Variants in COL28A1 observed in about 807,000 individuals in gnomAD.
COL28A1 encodes collagen alpha-1(XXVIII) chain.
A neutral mutation model predicts 150.2 loss-of-function variants in COL28A1; 161 were observed. The ratio of observed to expected loss-of-function variants is 1.07; its 90% CI spans 0.94 to 1.22. The LOEUF (loss-of-function observed/expected upper bound fraction) is 1.22, where lower values mean the gene tolerates loss of function less well. Ranked by LOEUF, COL28A1 falls within the 50% of genes most tolerant of loss-of-function variation. The pLI is 0.00. For synonymous variants in COL28A1, 552 were observed against 469.7 expected (o/e 1.18, Z -2.26); for missense variants, 1,617 against 1,388.3 (o/e 1.16, Z -2.62).
intron 11 of COL28A1, among the ~76,000 whole-genome samples, chr7:7,504,779 C>T (rs760041476): frequency 6.6e-6 from 1 of 152,178 alleles, no homozygotes; most frequent in African/African-American, 2.4e-5. Flanking sequence ...GTGGCTCAAA[C>T]ATTCTATAAT....
At chr7:7,430,190 G>A (rs967030567) in intron 25 of COL28A1, among the ~76,000 whole-genome samples, 8 of 152,012 alleles carry the variant, frequency 5.3e-5, no homozygotes, top group African/African-American at 1.9e-4. Context: ...GCAGTGGTGC[G>A]ATCTCAGCTC....
Position 7,507,157 on chromosome 7 carries a change from G to T in COL28A1, c.932C>A (p.Ser311Tyr). The T allele has an allele frequency of 1.6e-6, 2 of 1,216,442 alleles. No individual in the cohort carries two copies. The highest frequency in any genetic ancestry group is 1.2e-6 in the Non-Finnish European group (1 of 820,406). The allele number at this position is 1,216,442 out of a possible 1,614,324, so 75.4% of individuals were successfully genotyped here. A position where few individuals can be genotyped will look rare whatever the true frequency, so the allele number is the denominator to read the frequency against. Residue 311 changes from serine to tyrosine, a missense_variant, in exon 10 of 35, where the codon TCC becomes TAC. Transcript: ENST00000399429. ...TCCCTTTGGTCCATATGGCCCTGGG[G>T]ATCCCTGTGGAATAAAATTGAAAAT... ...GKPGIKGDKGSPGPYGPKGPR... is the reference protein window; with the variant it reads ...GKPGIKGDKGYPGPYGPKGPR...
chr7:7,410,503 C>G (rs2128303713), intron 27 of COL28A1, among the ~76,000 whole-genome samples: 1 of 152,208 alleles, frequency 6.6e-6, no homozygotes, highest in African/African-American at 2.4e-5. Context: ...GAGGTTAATT[C>G]AAAGAGAGTT....
chr7:7,376,231 G>T (rs778011093), intron 30 of COL28A1, among the ~76,000 whole-genome samples: 10 of 152,028 alleles, frequency 6.6e-5, no homozygotes, highest in Non-Finnish European at 1.2e-4. Flanking sequence ...AACACTTAAA[G>T]CTAAAAGAGA....
At chr7:7,541,814 C>T in the COL28A1 span, among the ~76,000 whole-genome samples, 4 of 152,104 alleles carry the variant, frequency 2.6e-5, no homozygotes, top group South Asian at 8.3e-4. Flanking sequence ...ATCCATAACT[C>T]ATTCACTTAA....
At chr7:7,353,255 G>C (rs1780271902), downstream of COL28A1, among the ~76,000 whole-genome samples, 1 of 152,044 alleles carries the variant, frequency 6.6e-6, no homozygotes, top group Non-Finnish European at 1.5e-5. Context: ...ATCTTCCCAG[G>C]TGCAGAACAA....
chr7:7,492,086 C>A (rs1038431681), intron 11 of COL28A1, among the ~76,000 whole-genome samples: 3 of 152,124 alleles, frequency 2.0e-5, no homozygotes, highest in Non-Finnish European at 2.9e-5. Flanking sequence ...CCAAAGGTTT[C>A]TCTCTTCATG....
At chr7:7,414,685 C>G (rs6979055) in intron 27 of COL28A1, among the ~76,000 whole-genome samples, 26,040 of 152,122 alleles carry the variant, frequency 0.17, 2,720 homozygotes, top group African/African-American at 0.29. Flanking sequence ...AAAGAGAAGC[C>G]CTTCTACTCC....
intron 13 of COL28A1, among the ~76,000 whole-genome samples, chr7:7,489,119 A>G (rs1356826333): frequency 1.3e-5 from 2 of 152,024 alleles, no homozygotes; most frequent in African/African-American, 4.8e-5. Context: ...AATACAAAAA[A>G]CATTAGCTGG....
chr7:7,515,933 A>C, intron 7 of COL28A1, 93 bp from the exon 8 acceptor site: 1 of 738,924 alleles, frequency 1.4e-6, no homozygotes, highest in South Asian at 1.5e-5. Context: ...GGTATAACAA[A>C]AACACATCTA....
intron 27 of COL28A1, among the ~76,000 whole-genome samples, chr7:7,410,965 A>G (rs1466205823): frequency 6.6e-6 from 1 of 152,088 alleles, no homozygotes; most frequent in African/African-American, 2.4e-5. Flanking sequence ...AAGCATGGCA[A>G]TTTTCTGTGC....
In COL28A1 at chr7:7,443,482, C is replaced by T. The variant is rs975273087; in HGVS notation, c.1650+103G>A. The T allele has an allele frequency of 2.0e-6, 3 of 1,529,532 alleles. No individual in the cohort carries two copies. The Admixed American group carries it at 5.9e-5, about 30-fold the overall frequency. The allele number at this position is 1,529,532 out of a possible 1,614,324, so 94.7% of individuals were successfully genotyped here. ...TTCATACTTTTAAGCCAGACATAAA[C>T]ACATTGACATAGTAAGAATAACAAT... On this transcript the variant is annotated intron_variant, in intron 20 of 34. Coordinates refer to ENST00000399429, the MANE Select transcript of COL28A1 (RefSeq NM_001037763.3).
At chr7:7,516,799 G>T (rs1171527994) in intron 7 of COL28A1, among the ~76,000 whole-genome samples, 2 of 151,430 alleles carry the variant, frequency 1.3e-5, no homozygotes, top group African/African-American at 4.9e-5. Flanking sequence ...TCACTATGTT[G>T]CTCAGGCTGG....
chr7:7,348,245 C>A, the COL28A1 span, among the ~76,000 whole-genome samples: 3 of 152,062 alleles, frequency 2.0e-5, no homozygotes, highest in African/African-American at 7.2e-5. Context: ...ATCATTGGAG[C>A]GATTCTAGCT....
rs139285842 is a variant in COL28A1 at position 7,464,384 on chromosome 7, C to T, written c.1303-8272G>A. On this transcript the variant is annotated intron_variant, in intron 15 of 34. Coordinates refer to ENST00000399429, the MANE Select transcript of COL28A1 (RefSeq NM_001037763.3). ...CATTCTATTCAACAGTGCATGGTAC[C>T]TTCTCCAAGATAAAACATATCACAG... Among the ~76,000 whole-genome samples the T allele has an allele frequency of 4.7e-3, 708 of 152,250 alleles. 5 individuals carry two copies. Among genetic ancestry groups the T allele is most frequent in the East Asian group, 0.022 (115 of 5,186 alleles).
At chr7:7,532,454 G>C (rs764873374) in intron 2 of COL28A1, among the ~76,000 whole-genome samples, 1 of 151,360 alleles carries the variant, frequency 6.6e-6, no homozygotes, top group African/African-American at 2.4e-5. Context: ...TATGCCACTC[G>C]ACCTGTTAAG....
intron 31 of COL28A1, among the ~76,000 whole-genome samples, chr7:7,374,956 G>A (rs1469070425): frequency 6.6e-6 from 1 of 152,144 alleles, no homozygotes; most frequent in Non-Finnish European, 1.5e-5. Context: ...TTCAGTCATG[G>A]AAGCATTTAG....
chr7:7,532,843 C>G lies in COL28A1; in HGVS notation c.33G>C (p.Leu11=). The part of the protein sequence containing the change: MWNRYFVFYL[L]LLSAFTSQTV... The stretch of plus-strand genomic sequence containing the variant: ...TTTGACTCGTAAACGCTGACAAAAG[C>G]AGGAGATAGAAGACAAAATATCTGT... The change falls in exon 2 of 35, where the codon CTG becomes CTC. Residue 11 remains leucine, a synonymous_variant. Transcript: ENST00000399429. 1.9e-6 allele frequency: 3 copies of G among 1,611,604 alleles called. No homozygotes were observed. Among genetic ancestry groups the G allele is most frequent in the Non-Finnish European group, 2.5e-6 (3 of 1,179,068 alleles).
chr7:7,400,217 T>C (rs184691224), intron 27 of COL28A1, among the ~76,000 whole-genome samples: 55 of 152,200 alleles, frequency 3.6e-4, no homozygotes, highest in African/African-American at 1.2e-3. Context: ...CTATTATCCA[T>C]GGAAAAAGTT....
Sources: gnomAD v4.1 joint callset for allele counts (sites outside exome capture counted in the v4.1 genomes callset) on GRCh38, gnomAD v4.1.1 for gene constraint, MANE v1.5 for transcripts, NCBI Gene and HGNC (gene_info 2026-07-23, HGNC 2026-07-21) for gene names.